CLIP1: variants seen among roughly 807,000 people sequenced by gnomAD.
The protein encoded by CLIP1 is CAP-Gly domain containing linker protein 1, also known as CAP-Gly domain-containing linker protein 1.
In CLIP1, 66 loss-of-function variants were observed where a neutral mutation model predicts 161.6. The observed-to-expected ratio is 0.41, with a 90% CI of 0.33 to 0.50. The LOEUF (loss-of-function observed/expected upper bound fraction) is 0.50, where lower values mean the gene tolerates loss of function less well. Among genes scored for constraint, CLIP1 ranks in the 20% least tolerant of loss-of-function variants. The pLI is 0.27. For missense variants in CLIP1, 1,376 were observed against 1,702.0 expected (o/e 0.81, Z 3.37); for synonymous variants, 598 against 626.2 (o/e 0.96, Z 0.67).
rs1436658543 is a variant in CLIP1 at position 122,285,509 on chromosome 12, G to T, written c.3647+2980C>A. On this transcript the variant is annotated intron_variant, in intron 21 of 25. Coordinates refer to ENST00000620786, the MANE Select transcript of CLIP1 (RefSeq NM_001247997.2). Reference sequence around the variant, plus strand: ...GGCCTCCCAAAGTGCTGGGATTACAGGTGTAAGCCACGGTGCCCGGCCTAA... The same window carrying T: ...GGCCTCCCAAAGTGCTGGGATTACATGTGTAAGCCACGGTGCCCGGCCTAA... 2.0e-5 allele frequency among the ~76,000 whole-genome samples: 3 copies of T among 152,158 alleles called. No homozygotes were observed. The South Asian group carries it at 6.2e-4, about 32-fold the overall frequency.
In CLIP1 at chr12:122,355,068, T is replaced by G; in HGVS notation, c.1203+47A>C. 3 of 1,574,320 alleles carry G rather than the reference T, an allele frequency of 1.9e-6. No homozygotes were observed. Among genetic ancestry groups the G allele is most frequent in the Non-Finnish European group, 2.6e-6 (3 of 1,148,324 alleles). Reference sequence around the variant, plus strand: ...CCGGGCATGCTTCTCGGCTCCTCAGTGGCTTTAGAAACCATCACCATCTCC... The same window carrying G: ...CCGGGCATGCTTCTCGGCTCCTCAGGGGCTTTAGAAACCATCACCATCTCC... On this transcript the variant is annotated intron_variant, in intron 6 of 25. Coordinates refer to ENST00000620786, the MANE Select transcript of CLIP1 (RefSeq NM_001247997.2). This position sits in a 1 kb window ranked among gnomAD's most constrained non-coding sequence, Gnocchi z 4.1.
rs185597122 is a variant in CLIP1, at chr12:122,389,001, C to T, written c.-106-8443G>A. ...TTCCCCAACACCTCTACAGCAGCTTCCCCTCCTCCATGTTTTCAAGGCTGG... is the reference window on the plus strand; with the variant it reads ...TTCCCCAACACCTCTACAGCAGCTTTCCCTCCTCCATGTTTTCAAGGCTGG... On this transcript the variant is annotated intron_variant, in intron 1 of 25. Transcript: ENST00000620786. Among the ~76,000 whole-genome samples, 189 of 152,354 alleles carry T rather than the reference C, an allele frequency of 1.2e-3. 1 individual carries two copies. Among genetic ancestry groups the T allele is most frequent in the African/African-American group, 4.2e-3 (175 of 41,596 alleles).
rs142337688 is a variant in CLIP1, at chr12:122,278,381, A to G, written c.3917-178T>C. On this transcript the variant is annotated intron_variant, in intron 23 of 25. Coordinates refer to ENST00000620786, the MANE Select transcript of CLIP1 (RefSeq NM_001247997.2). ...TTTGTGTCCCCTTGCGGGACCCTAC[A>G]GGGTCTCACAGACACCAGCCTTGCC... is the stretch of plus-strand genomic sequence containing the variant. The G allele has an allele frequency of 2.8e-4, 177 of 633,222 alleles. No individual in the cohort carries two copies. In the African/African-American group the frequency reaches 3.1e-3, roughly 11 times the overall value. 39.2% of individuals were successfully genotyped at this position (633,222 alleles called of 1,614,324 possible).
intron 20 of CLIP1, among the ~76,000 whole-genome samples, chr12:122,305,843 G>A (rs539249263): frequency 5.9e-5 from 9 of 151,928 alleles, no homozygotes; most frequent in East Asian, 5.8e-4. Context: ...TGAGGTGGAC[G>A]GATTGCCTAA....
At position 122,379,943 on chromosome 12, in the gene CLIP1, T is replaced by TA. The variant is rs1566198620; in HGVS notation, c.85+424_85+425insT. Reference sequence around the variant, plus strand: ...TGGGGAATAGAGCAAGACTCCATCTTTAAAAAAAAAAAAAAAAAATGCAAG... The same window carrying TA: ...TGGGGAATAGAGCAAGACTCCATCTTATAAAAAAAAAAAAAAAAAATGCAAG... On this transcript the variant is annotated intron_variant, in intron 2 of 25. Coordinates refer to ENST00000620786, the MANE Select transcript of CLIP1 (RefSeq NM_001247997.2). Among the ~76,000 whole-genome samples the TA allele has an allele frequency of 6.4e-4, 45 of 70,416 alleles. 5 individuals are homozygous for TA. Among genetic ancestry groups the TA allele is most frequent in the Admixed American group, 1.1e-3 (8 of 7,102 alleles). 46.2% of individuals were successfully genotyped at this position (70,416 alleles called of 152,430 possible). A position where few individuals can be genotyped will look rare whatever the true frequency, so the allele number is the denominator to read the frequency against.
chr12:122,362,639 CAAAAAAAAAAAAAAAA>C (rs56183812), intron 4 of CLIP1, among the ~76,000 whole-genome samples: 3 of 19,118 alleles, frequency 1.6e-4, no homozygotes, highest in African/African-American at 5.2e-4. Flanking sequence ...GACTCCATCT[CAAAAAAAAAAAAAAAA>C]AAAAAAAAAA....
chr12:122,291,988 C>CCACT (rs1555256934), intron 20 of CLIP1, among the ~76,000 whole-genome samples: 54 of 151,908 alleles, frequency 3.6e-4, no homozygotes, highest in Non-Finnish European at 6.0e-4. Context: ...CTTTCATTTT[C>CCACT]CATTCATTCA....
At chr12:122,381,523 A>G in intron 1 of CLIP1, among the ~76,000 whole-genome samples, 1 of 152,240 alleles carries the variant, frequency 6.6e-6, no homozygotes, top group East Asian at 1.9e-4. Context: ...GTGAATTGAA[A>G]TTACCTTGGG....
chr12:122,345,429 G>A (rs1332535930), intron 10 of CLIP1, among the ~76,000 whole-genome samples: 1 of 151,958 alleles, frequency 6.6e-6, no homozygotes, highest in African/African-American at 2.4e-5. Context: ...CCAAAGTGCT[G>A]GGATTACAGG....
Position 122,272,578 on chromosome 12 carries a change from G to A in CLIP1, c.*297C>T, listed in dbSNP as rs1955219175. The A allele has an allele frequency of 3.1e-6, 1 of 318,224 alleles. No individual in the cohort carries two copies. Among genetic ancestry groups the A allele is most frequent in the Non-Finnish European group, 5.9e-6 (1 of 169,948 alleles). The allele number at this position is 318,224 out of a possible 1,614,324, so 19.7% of individuals were successfully genotyped here. ...TAAATAAGGTATTGTGAGGGTAGGG[G>A]TTTTTCTACAAGGTCGGGGGGCCAA... is the stretch of plus-strand genomic sequence containing the variant. On this transcript the variant is annotated 3_prime_UTR_variant, in exon 26 of 26. Coordinates refer to ENST00000620786, the MANE Select transcript of CLIP1 (RefSeq NM_001247997.2).
chr12:122,414,772 C>A (rs763061725), intron 1 of CLIP1, among the ~76,000 whole-genome samples: 1 of 152,006 alleles, frequency 6.6e-6, no homozygotes, highest in South Asian at 2.1e-4. Flanking sequence ...GCCCAAAATT[C>A]TTGTACAGTA....
Position 122,311,426 on chromosome 12 carries a change from A to T in CLIP1, c.3474-1544T>A, listed in dbSNP as rs1298043347. ...CTATAAAAACAAAATTATTATTATT[A>T]TTATTTTTTTTTTTTTGAGACAGAG... On this transcript the variant is annotated intron_variant, in intron 19 of 25. Coordinates refer to ENST00000620786, the MANE Select transcript of CLIP1 (RefSeq NM_001247997.2). The surrounding 1 kb of genome is among the most constrained non-coding windows in gnomAD (Gnocchi z 4.3). 2.0e-5 allele frequency among the ~76,000 whole-genome samples: 3 copies of T among 151,462 alleles called. No individual in the cohort carries two copies. The highest frequency in any genetic ancestry group is 1.9e-4 in the East Asian group (1 of 5,146).
chr12:122,274,563 G>A (rs1261690586), intron 24 of CLIP1: 131 of 152,444 alleles, frequency 8.6e-4, no homozygotes, highest in Non-Finnish European at 1.3e-3. Flanking sequence ...TTTTTGAGAC[G>A]GAGTCTCGCT....
intron 12 of CLIP1, among the ~76,000 whole-genome samples, chr12:122,336,068 A>G (rs553181693): frequency 2.1e-4 from 32 of 152,342 alleles, no homozygotes; most frequent in African/African-American, 7.5e-4. Flanking sequence ...CAGAGTTGAG[A>G]AAAGGTAAAA....
intron 1 of CLIP1, among the ~76,000 whole-genome samples, chr12:122,387,402 A>G (rs1955323192): frequency 6.6e-6 from 1 of 151,772 alleles, no homozygotes; most frequent in Non-Finnish European, 1.5e-5. Flanking sequence ...ATGGAACCAA[A>G]CTGCACTATT....
At chr12:122,378,973 A>G (rs1040924439) in intron 2 of CLIP1, among the ~76,000 whole-genome samples, 4 of 152,002 alleles carry the variant, frequency 2.6e-5, no homozygotes. Context: ...TAAAAATACA[A>G]AATTAGCCGG....
intron 14 of CLIP1, among the ~76,000 whole-genome samples, chr12:122,333,406 T>G (rs1338656791): frequency 6.6e-6 from 1 of 151,866 alleles, no homozygotes; most frequent in Non-Finnish European, 1.5e-5. Context: ...TTCCCTGAGG[T>G]GCTGACATTT....
chr12:122,417,715 C>A (rs183649291), intron 1 of CLIP1, among the ~76,000 whole-genome samples: 1 of 151,930 alleles, frequency 6.6e-6, no homozygotes, highest in Non-Finnish European at 1.5e-5. Flanking sequence ...GGTTTCACTG[C>A]GTTAGCCAGG....
At chr12:122,385,806 T>C (rs1379835853) in intron 1 of CLIP1, among the ~76,000 whole-genome samples, 3 of 152,128 alleles carry the variant, frequency 2.0e-5, no homozygotes, top group Non-Finnish European at 2.9e-5. Context: ...AGCTACCCCA[T>C]GTACCTTCCC....
Sources: gnomAD v4.1 joint callset for allele counts (sites outside exome capture counted in the v4.1 genomes callset) on GRCh38, gnomAD v4.1.1 for gene constraint, Gnocchi (gnomAD v3.1) non-coding constraint, MANE v1.5 for transcripts, NCBI Gene and HGNC (gene_info 2026-07-23, HGNC 2026-07-21) for gene names.